The following MAP2K5 variants were observed in gnomAD, a reference collection of about 807,000 sequenced individuals.
MAP2K5 encodes the protein dual specificity mitogen-activated protein kinase kinase 5.
Under a neutral mutation model 83.1 loss-of-function variants are expected in MAP2K5, and 49 were observed. The observed-to-expected ratio is 0.59, with a 90% CI of 0.47 to 0.75. MAP2K5 has a LOEUF of 0.75. Among genes scored for constraint, MAP2K5 ranks in the 30% least tolerant of loss-of-function variants. The pLI is 0.00. For missense variants in MAP2K5, 457 were observed against 557.5 expected, an observed-to-expected ratio of 0.82 and a Z score of 1.82; for synonymous variants, 202 against 191.8, an observed-to-expected ratio of 1.05 and a Z score of -0.44.
At chr15:67,653,334 AG>A (rs1178954901) in intron 11 of MAP2K5, among the ~76,000 whole-genome samples, 1 of 150,418 alleles carries the variant, frequency 6.6e-6, no homozygotes, top group African/African-American at 2.5e-5. Context: ...TGCCCAGGCT[AG>A]AGTACAATGG....
At chr15:67,544,588 T>C (rs2084356437) in intron 1 of MAP2K5, among the ~76,000 whole-genome samples, 1 of 152,218 alleles carries the variant, frequency 6.6e-6, no homozygotes, top group Non-Finnish European at 1.5e-5. Context: ...CCGCTTCTAA[T>C]CTTTCTGGTA....
chr15:67,570,715 T>C (rs2140977455), intron 3 of MAP2K5, among the ~76,000 whole-genome samples: 1 of 152,352 alleles, frequency 6.6e-6, no homozygotes, highest in Non-Finnish European at 1.5e-5. Context: ...AGAGTTAAGA[T>C]TGTTGAGTTC....
chr15:67,653,807 G>A (rs965237212), intron 11 of MAP2K5, among the ~76,000 whole-genome samples: 18 of 152,174 alleles, frequency 1.2e-4, no homozygotes, highest in Non-Finnish European at 2.6e-4. Context: ...CTTATTTAAT[G>A]TAGGTTATAA....
In MAP2K5 at chr15:67,757,641, A is replaced by G. The variant is rs1167068907; in HGVS notation, c.1134+9040A>G. ...TCCACCATTAAAGAGCAGCTACCCT[A>G]GTCAGGGAGGCAGACAAGTAAACAG... On this transcript the variant is annotated intron_variant, in intron 19 of 21. Transcript: ENST00000178640. This position sits in a 1 kb window ranked among gnomAD's most constrained non-coding sequence, Gnocchi z 4.9. Among the ~76,000 whole-genome samples the G allele has an allele frequency of 6.6e-6, 1 of 152,166 alleles. No individual in the cohort carries two copies. Among genetic ancestry groups the G allele is most frequent in the Non-Finnish European group, 1.5e-5 (1 of 68,032 alleles).
chr15:67,778,891 C>A lies in MAP2K5; in HGVS notation c.1242+6139C>A, dbSNP rs1189974028. Among the ~76,000 whole-genome samples the A allele has an allele frequency of 6.6e-6, 1 of 152,110 alleles. No individual in the cohort carries two copies. The highest frequency in any genetic ancestry group is 2.1e-4 in the South Asian group (1 of 4,828). On this transcript the variant is annotated intron_variant, in intron 21 of 21. Coordinates refer to ENST00000178640, the MANE Select transcript of MAP2K5 (RefSeq NM_145160.3). This position sits in a 1 kb window ranked among gnomAD's most constrained non-coding sequence, Gnocchi z 5.0. ...CACCCTGTGCTTGCAAAAATCTAAG[C>A]TTTTTAAAATACTAATGATGGTTAA... is the stretch of plus-strand genomic sequence containing the variant.
At chr15:67,589,005 A>C (rs2085343058) in intron 6 of MAP2K5, among the ~76,000 whole-genome samples, 1 of 151,418 alleles carries the variant, frequency 6.6e-6, no homozygotes, top group Non-Finnish European at 1.5e-5. Flanking sequence ...TATTTTTTTA[A>C]ATTTTTTTAA....
At chr15:67,549,249 C>A in intron 1 of MAP2K5, 1 of 1,453,550 alleles carries the variant, frequency 6.9e-7, no homozygotes, top group African/African-American at 1.4e-5. Flanking sequence ...TCTCAGTATA[C>A]TAATTTTCAT....
At chr15:67,548,036 C>T (rs1424438929) in intron 1 of MAP2K5, among the ~76,000 whole-genome samples, 1 of 152,112 alleles carries the variant, frequency 6.6e-6, no homozygotes, top group Non-Finnish European at 1.5e-5. Flanking sequence ...CTCCCTTTTC[C>T]TCGTATCAGG....
rs1566961276 is a variant in MAP2K5, at chr15:67,778,190, C to A, written c.1242+5438C>A. Among the ~76,000 whole-genome samples, 1 of 152,120 alleles carries A rather than the reference C, an allele frequency of 6.6e-6. No individual in the cohort carries two copies. The highest frequency in any genetic ancestry group is 1.5e-5 in the Non-Finnish European group (1 of 68,018). On this transcript the variant is annotated intron_variant, in intron 21 of 21. Transcript: ENST00000178640. This position sits in a 1 kb window ranked among gnomAD's most constrained non-coding sequence, Gnocchi z 5.0. ...CTAAGAGATGTTAACTTGTTTAACTCCTCTAAATTAAATTGTCACTGGTAG... is the reference window on the plus strand; with the variant it reads ...CTAAGAGATGTTAACTTGTTTAACTACTCTAAATTAAATTGTCACTGGTAG...
intron 8 of MAP2K5, among the ~76,000 whole-genome samples, chr15:67,626,788 G>A (rs1227397610): frequency 1.3e-5 from 2 of 151,540 alleles, no homozygotes; most frequent in African/African-American, 4.8e-5. Flanking sequence ...TAGTACCAGC[G>A]GTTTGGGAGG....
At position 67,717,199 on chromosome 15, in the gene MAP2K5, A is replaced by G. The variant is rs1301449974; in HGVS notation, c.1045-10717A>G. Among the ~76,000 whole-genome samples the G allele has an allele frequency of 2.0e-5, 3 of 152,246 alleles. No individual in the cohort carries two copies. Among genetic ancestry groups the G allele is most frequent in the African/African-American group, 7.2e-5 (3 of 41,458 alleles). The stretch of plus-strand genomic sequence containing the variant: ...CTGGTCAGTTAAGACTGCTTTTCAT[A>G]GGATTATACCTTACACTATCCCTGT... On this transcript the variant is annotated intron_variant, in intron 16 of 21. Transcript: ENST00000178640. This position sits in a 1 kb window ranked among gnomAD's most constrained non-coding sequence, Gnocchi z 4.1.
rs61495402 is a variant in MAP2K5, at chr15:67,774,202, T to TGA, written c.1242+1455_1242+1456dup. 0.016 allele frequency among the ~76,000 whole-genome samples: 2,342 copies of TGA among 150,646 alleles called. 72 individuals carry two copies. The highest frequency in any genetic ancestry group is 0.054 in the African/African-American group (2,209 of 40,806). The stretch of plus-strand genomic sequence containing the variant: ...GTGTGTGTGTGTGTGTGTGTGTGTG[T>TGA]GAGAGAACATAGGTATTTAGATATA... On this transcript the variant is annotated intron_variant, in intron 21 of 21. Transcript: ENST00000178640. The surrounding 1 kb of genome is among the most constrained non-coding windows in gnomAD (Gnocchi z 4.9).
rs1222990380 is a variant in MAP2K5, at chr15:67,543,273, C to T, written c.-63C>T. 17 of 1,582,942 alleles carry T rather than the reference C, an allele frequency of 1.1e-5. No individual in the cohort carries two copies. The highest frequency in any genetic ancestry group is 3.4e-5 in the Admixed American group (2 of 59,676). On this transcript the variant is annotated 5_prime_UTR_variant, in exon 1 of 22. Transcript: ENST00000178640. The surrounding 1 kb of genome is among the most constrained non-coding windows in gnomAD (Gnocchi z 4.3). Reference sequence around the variant, plus strand: ...CACTCCCCTTGTCACCTCTTGGAGCCCCCTCCTAACCAGCGGCCAGTGGGT... The same window carrying T: ...CACTCCCCTTGTCACCTCTTGGAGCTCCCTCCTAACCAGCGGCCAGTGGGT...
intron 1 of MAP2K5, 46 bp from the exon 2 acceptor site, chr15:67,549,988 A>G (rs1242740511): frequency 2.7e-6 from 4 of 1,467,908 alleles, no homozygotes; most frequent in Non-Finnish European, 3.8e-6. Flanking sequence ...CATGTTAGCA[A>G]TAAAGAAGAT....
At chr15:67,635,156 G>C (rs1338826494) in intron 9 of MAP2K5, among the ~76,000 whole-genome samples, 1 of 150,034 alleles carries the variant, frequency 6.7e-6, no homozygotes, top group African/African-American at 2.5e-5. Flanking sequence ...ACCCCAAAAT[G>C]CATTGTCACT....
intron 11 of MAP2K5, among the ~76,000 whole-genome samples, chr15:67,649,014 G>C (rs369408206): frequency 1.6e-4 from 25 of 152,148 alleles, no homozygotes; most frequent in Non-Finnish European, 3.4e-4. Flanking sequence ...TACCAGCACT[G>C]TATAAGGTTC....
chr15:67,654,890 G>A (rs556359697), intron 11 of MAP2K5, among the ~76,000 whole-genome samples: 99 of 151,844 alleles, frequency 6.5e-4, no homozygotes, highest in Non-Finnish European at 8.5e-4. Flanking sequence ...GTGAAACCTC[G>A]TCTCTCCTAA....
intron 17 of MAP2K5, among the ~76,000 whole-genome samples, chr15:67,731,506 TTC>T (rs1209058576): frequency 6.6e-6 from 1 of 152,090 alleles, no homozygotes; most frequent in Non-Finnish European, 1.5e-5. Context: ...CAGTTTAGGG[TTC>T]TAAAGAAAAA....
rs2086627952 is a variant in MAP2K5 at position 67,637,532 on chromosome 15, A to G, written c.585+6605A>G. Among the ~76,000 whole-genome samples the G allele has an allele frequency of 6.6e-6, 1 of 152,088 alleles. No homozygotes were observed. Among genetic ancestry groups the G allele is most frequent in the South Asian group, 2.1e-4 (1 of 4,820 alleles). ...CTTTTCTTGCCCAGTATTAATCTGG[A>G]GATCGTTTCTTCTGAGCCTTTCTAG... On this transcript the variant is annotated intron_variant, in intron 9 of 21. Coordinates refer to ENST00000178640, the MANE Select transcript of MAP2K5 (RefSeq NM_145160.3). The surrounding 1 kb of genome is among the most constrained non-coding windows in gnomAD (Gnocchi z 4.5).
Sources: allele counts gnomAD v4.1 joint callset (sites outside exome capture counted in the v4.1 genomes callset), GRCh38; gene constraint gnomAD v4.1.1; non-coding constraint Gnocchi (gnomAD v3.1); transcripts MANE v1.5; gene names NCBI Gene and HGNC (gene_info 2026-07-23, HGNC 2026-07-21).